Variants in IGSF21 observed in about 807,000 individuals in gnomAD.
IGSF21 encodes immunoglobin superfamily member 21, also known as immunoglobulin superfamily member 21.
IGSF21 carries 28 observed loss-of-function variants against 46.8 expected under a neutral mutation model. The observed-to-expected ratio is 0.60, with a 90% CI of 0.44 to 0.82. The LOEUF (loss-of-function observed/expected upper bound fraction) is 0.82, where lower values mean the gene tolerates loss of function less well. Ranked by LOEUF, IGSF21 falls within the 40% of genes least tolerant of loss-of-function variation. The pLI is 0.00. For missense variants in IGSF21, 624 were observed against 665.5 expected (o/e 0.94, Z 0.69); for synonymous variants, 284 against 273.6 (o/e 1.04, Z -0.38).
intron 1 of IGSF21, among the ~76,000 whole-genome samples, chr1:18,204,945 T>C (rs1275878962): frequency 6.6e-6 from 1 of 152,232 alleles, no homozygotes; most frequent in African/African-American, 2.4e-5. Flanking sequence ...TTTTCGTTTT[T>C]TGTTTAAAAT....
intron 4 of IGSF21, among the ~76,000 whole-genome samples, chr1:18,349,012 A>C (rs933582473): frequency 6.6e-6 from 1 of 152,310 alleles, no homozygotes; most frequent in South Asian, 2.1e-4. Flanking sequence ...TTTCATAACA[A>C]AAGCTAGCAC....
At chr1:18,327,569 C>T (rs542291901) in intron 3 of IGSF21, among the ~76,000 whole-genome samples, 15 of 151,940 alleles carry the variant, frequency 9.9e-5, no homozygotes, top group East Asian at 1.9e-4. Context: ...GGGAAAGGGA[C>T]GCAACAATTG....
chr1:18,373,031 G>A (rs773620351), intron 6 of IGSF21, among the ~76,000 whole-genome samples: 4 of 152,178 alleles, frequency 2.6e-5, no homozygotes, highest in Non-Finnish European at 4.4e-5. Context: ...CAACTTATAT[G>A]TCCAGGATCT....
At chr1:18,358,201 A>ATCTCAGTT (rs1217810401) in intron 4 of IGSF21, among the ~76,000 whole-genome samples, 1 of 143,632 alleles carries the variant, frequency 7.0e-6, no homozygotes, top group African/African-American at 2.5e-5. Context: ...CTTCTCTCTG[A>ATCTCAGTT]TCTCAGTTTG....
At chr1:18,248,913 C>T (rs1480759486) in intron 2 of IGSF21, among the ~76,000 whole-genome samples, 1 of 152,086 alleles carries the variant, frequency 6.6e-6, no homozygotes, top group African/African-American at 2.4e-5. Context: ...CCCCCCAAGC[C>T]AGACTCGAGT....
chr1:18,151,139 C>T (rs1409070333), intron 1 of IGSF21, among the ~76,000 whole-genome samples: 1 of 152,198 alleles, frequency 6.6e-6, no homozygotes, highest in Admixed American at 6.5e-5. Context: ...GACCTTTCAT[C>T]ACTTCATTTA....
At chr1:18,376,499 C>G in intron 7 of IGSF21, 104 bp downstream of exon 7, 1 of 866,472 alleles carries the variant, frequency 1.2e-6, no homozygotes, top group Admixed American at 1.7e-5. Flanking sequence ...TCCTTTGATC[C>G]CCAGCCACAT....
chr1:18,209,944 T>A (rs1038467566), intron 1 of IGSF21, among the ~76,000 whole-genome samples: 2 of 151,990 alleles, frequency 1.3e-5, no homozygotes, highest in Non-Finnish European at 2.9e-5. Flanking sequence ...GAATAAATGA[T>A]CTTCTGTTCA....
intron 4 of IGSF21, among the ~76,000 whole-genome samples, chr1:18,340,649 T>C (rs1323929029): frequency 6.6e-6 from 1 of 152,194 alleles, no homozygotes; most frequent in Non-Finnish European, 1.5e-5. Context: ...CAGCAATGTA[T>C]TGTCTCACAG....
chr1:18,324,195 C>A (rs1001867381), intron 3 of IGSF21, among the ~76,000 whole-genome samples: 1 of 152,204 alleles, frequency 6.6e-6, no homozygotes, highest in African/African-American at 2.4e-5. Flanking sequence ...GGGCTCCCAG[C>A]CCCATGGAAT....
intron 1 of IGSF21, among the ~76,000 whole-genome samples, chr1:18,214,287 G>A (rs559555573): frequency 1.1e-4 from 17 of 152,244 alleles, no homozygotes; most frequent in East Asian, 7.7e-4. Context: ...AGAAAGCACC[G>A]GGGACTGCTC....
chr1:18,357,646 G>T (rs2086035190), intron 4 of IGSF21, among the ~76,000 whole-genome samples: 1 of 152,088 alleles, frequency 6.6e-6, no homozygotes, highest in African/African-American at 2.4e-5. Context: ...GTCAAGAGAA[G>T]GGAAAAAGAA....
intron 1 of IGSF21, among the ~76,000 whole-genome samples, chr1:18,204,778 A>G (rs1178932409): frequency 6.6e-6 from 1 of 152,206 alleles, no homozygotes; most frequent in African/African-American, 2.4e-5. Context: ...CATTCAATTC[A>G]TGACCTGGTT....
In IGSF21 at chr1:18,376,880, G is replaced by A; in HGVS notation, c.1182G>A (p.Gly394=). Residue 394 remains glycine (G), a synonymous_variant, in exon 8 of 10, where the codon GGG becomes GGA. Transcript: ENST00000251296. ...RLLDGSAEFD[G]KELVLERVPA... ...TGGACGGCAGCGCTGAGTTCGACGG[G>A]AAGGAGCTGGTGCTGGAGCGGGTTC... 1 of 1,613,034 alleles carries A rather than the reference G, an allele frequency of 6.2e-7. No homozygotes were observed.
At chr1:18,296,936 C>T (rs1357950158) in intron 3 of IGSF21, among the ~76,000 whole-genome samples, 11 of 152,216 alleles carry the variant, frequency 7.2e-5, no homozygotes, top group Admixed American at 7.2e-4. Context: ...TCGAGGGGCT[C>T]AGTGTATTCC....
rs929109061 is a variant in IGSF21 at position 18,109,490 on chromosome 1, C to T, written c.70+1292C>T. On this transcript the variant is annotated intron_variant, in intron 1 of 9. Coordinates refer to ENST00000251296, the MANE Select transcript of IGSF21 (RefSeq NM_032880.5). This position sits in a 1 kb window ranked among gnomAD's most constrained non-coding sequence, Gnocchi z 4.8. ...TCCCAGCAGGAGGTGCCTACCTAGG[C>T]TCTGAGAGTGCCTGCCAGGAAGGGG... The T allele has an allele frequency of 6.6e-5, 10 of 152,394 alleles. No individual in the cohort carries two copies. Among genetic ancestry groups the T allele is most frequent in the African/African-American group, 2.2e-4 (9 of 41,476 alleles). The allele number at this position is 152,394 out of a possible 1,614,324, so 9.4% of individuals were successfully genotyped here.
At chr1:18,155,051 G>A (rs2086556037) in intron 1 of IGSF21, among the ~76,000 whole-genome samples, 1 of 152,080 alleles carries the variant, frequency 6.6e-6, no homozygotes, top group South Asian at 2.1e-4. Context: ...AGCGCTACTA[G>A]ATTCACACTT....
At chr1:18,138,009 G>A (rs2086382777) in intron 1 of IGSF21, among the ~76,000 whole-genome samples, 1 of 152,142 alleles carries the variant, frequency 6.6e-6, no homozygotes, top group Non-Finnish European at 1.5e-5. Flanking sequence ...GGCGATAGAA[G>A]CCAGGGCCAT....
chr1:18,217,717 C>T (rs2084463792), intron 1 of IGSF21, among the ~76,000 whole-genome samples: 1 of 152,208 alleles, frequency 6.6e-6, no homozygotes, highest in South Asian at 2.1e-4. Context: ...CTGTTTTCAG[C>T]TTCTCCATTT....
Sources: gnomAD v4.1 joint callset for allele counts (sites outside exome capture counted in the v4.1 genomes callset) on GRCh38, gnomAD v4.1.1 for gene constraint, Gnocchi (gnomAD v3.1) non-coding constraint, MANE v1.5 for transcripts, NCBI Gene and HGNC (gene_info 2026-07-23, HGNC 2026-07-21) for gene names.